The following ATP9A variants were observed in gnomAD, a reference collection of about 807,000 sequenced individuals.
ATP9A encodes ATPase phospholipid transporting 9A.
A neutral mutation model predicts 144.1 loss-of-function variants in ATP9A; 52 were observed. The observed-to-expected ratio is 0.36, with a 90% CI of 0.29 to 0.45. The LOEUF (loss-of-function observed/expected upper bound fraction) is 0.45, where lower values mean the gene tolerates loss of function less well. ATP9A is among the 20% of genes least tolerant of loss of function. ATP9A has a pLI of 1.00. For missense variants in ATP9A, 947 were observed against 1,392.7 expected, an observed-to-expected ratio of 0.68 and a Z score of 5.09; for synonymous variants, 582 against 557.4, an observed-to-expected ratio of 1.04 and a Z score of -0.62.
intron 14 of ATP9A, among the ~76,000 whole-genome samples, chr20:51,648,704 C>A (rs965120711): frequency 6.6e-6 from 1 of 151,956 alleles, no homozygotes; most frequent in East Asian, 1.9e-4. Flanking sequence ...TGGTGGTGTG[C>A]GCCTCTCATC....
chr20:51,622,041 C>G (rs1345788838), intron 19 of ATP9A, 33 bp downstream of exon 19: 1 of 1,587,468 alleles, frequency 6.3e-7, no homozygotes, highest in Non-Finnish European at 8.6e-7. Flanking sequence ...CGAACATCAT[C>G]CCCACATGGC....
chr20:51,667,484 G>C (rs1330486087), intron 13 of ATP9A, among the ~76,000 whole-genome samples: 1 of 152,180 alleles, frequency 6.6e-6, no homozygotes, highest in Non-Finnish European at 1.5e-5. Flanking sequence ...GTGGGCATTT[G>C]GGGTTGGTGG....
chr20:51,746,279 T>C (rs542255665), intron 1 of ATP9A, among the ~76,000 whole-genome samples: 2 of 152,252 alleles, frequency 1.3e-5, no homozygotes, highest in Admixed American at 6.5e-5. Context: ...AGTTTACTGA[T>C]GTAACCTCAG....
chr20:51,693,094 C>T (rs2077555290), intron 7 of ATP9A, among the ~76,000 whole-genome samples: 2 of 152,164 alleles, frequency 1.3e-5, no homozygotes, highest in South Asian at 2.1e-4. Flanking sequence ...CCAACTACTG[C>T]GGCCATCCTC....
chr20:51,673,145 G>A lies in ATP9A; in HGVS notation c.1037+1008C>T, dbSNP rs372116323. 5.3e-5 allele frequency among the ~76,000 whole-genome samples: 8 copies of A among 152,184 alleles called. No individual in the cohort carries two copies. In the East Asian group the frequency reaches 9.6e-4, roughly 18 times the overall value. On this transcript the variant is annotated intron_variant, in intron 11 of 27. Coordinates refer to ENST00000338821, the MANE Select transcript of ATP9A (RefSeq NM_006045.3). Reference sequence around the variant, plus strand: ...CCCCAGCACTTTGGGAAGCTGAGGCGGGTGGATCACTTGAGGTCAGGAGTT... The same window carrying A: ...CCCCAGCACTTTGGGAAGCTGAGGCAGGTGGATCACTTGAGGTCAGGAGTT...
At chr20:51,747,159 C>T (rs1253868941) in intron 1 of ATP9A, among the ~76,000 whole-genome samples, 1 of 145,306 alleles carries the variant, frequency 6.9e-6, no homozygotes, top group Non-Finnish European at 1.5e-5. Flanking sequence ...AGGAAGGATG[C>T]AAAGAAAGAA....
At chr20:51,670,793 T>C (rs927502071) in intron 12 of ATP9A, among the ~76,000 whole-genome samples, 1 of 152,172 alleles carries the variant, frequency 6.6e-6, no homozygotes, top group Non-Finnish European at 1.5e-5. Context: ...CTTCGGCTAC[T>C]ATGCGCCCGT....
intron 14 of ATP9A, among the ~76,000 whole-genome samples, chr20:51,642,283 T>A (rs1264727117): frequency 1.3e-5 from 2 of 152,072 alleles, no homozygotes; most frequent in African/African-American, 4.8e-5. Flanking sequence ...GCCTCCCAAG[T>A]AGCTGGGATT....
intron 17 of ATP9A, among the ~76,000 whole-genome samples, chr20:51,626,306 T>C (rs112770635): frequency 1.0e-3 from 159 of 152,028 alleles, no homozygotes; most frequent in African/African-American, 3.6e-3. Flanking sequence ...CTGGCCAACA[T>C]GGCAAAACCG....
At chr20:51,604,793 G>T in intron 27 of ATP9A, 24 bp downstream of exon 27, 3 of 1,467,500 alleles carry the variant, frequency 2.0e-6, no homozygotes, top group Non-Finnish European at 2.7e-6. Flanking sequence ...TGACGGACGG[G>T]GTTTAAGCAT....
intron 2 of ATP9A, among the ~76,000 whole-genome samples, chr20:51,728,574 G>A (rs2077725974): frequency 6.7e-6 from 1 of 148,192 alleles, no homozygotes; most frequent in Non-Finnish European, 1.5e-5. Context: ...GTTGCAGTGA[G>A]CCAAGATGGC....
chr20:51,732,926 C>T (rs1377768701), intron 1 of ATP9A, among the ~76,000 whole-genome samples: 1 of 151,618 alleles, frequency 6.6e-6, no homozygotes, highest in Non-Finnish European at 1.5e-5. Flanking sequence ...TGAAGACTGA[C>T]TCCTCTAAGA....
intron 9 of ATP9A, among the ~76,000 whole-genome samples, chr20:51,681,778 C>T (rs1273672313): frequency 6.6e-6 from 1 of 152,210 alleles, no homozygotes; most frequent in East Asian, 1.9e-4. Context: ...ATGCATCTGT[C>T]TCCTAAGGCA....
Position 51,672,819 on chromosome 20 carries a change from C to T in ATP9A, c.1037+1334G>A, listed in dbSNP as rs74459062. Among the ~76,000 whole-genome samples, 973 of 152,184 alleles carry T rather than the reference C, an allele frequency of 6.4e-3. 8 individuals carry two copies. The highest frequency in any genetic ancestry group is 0.022 in the African/African-American group (904 of 41,520). On this transcript the variant is annotated intron_variant, in intron 11 of 27. Transcript: ENST00000338821. ...TAGACTGCTAACCCACATCACAGAG[C>T]AGCTCTAAAAAATGATGGGACACAC... is the stretch of plus-strand genomic sequence containing the variant.
intron 1 of ATP9A, among the ~76,000 whole-genome samples, chr20:51,740,426 C>T (rs2122887882): frequency 6.9e-6 from 1 of 145,568 alleles, no homozygotes; most frequent in Admixed American, 7.0e-5. Context: ...TCCTGTCTGG[C>T]AGGCCAGGCG....
At chr20:51,602,053 C>T (rs952182057) in intron 27 of ATP9A, among the ~76,000 whole-genome samples, 3 of 152,186 alleles carry the variant, frequency 2.0e-5, no homozygotes, top group Non-Finnish European at 4.4e-5. Context: ...GCACCCTCTG[C>T]TTCCAGTGAT....
Position 51,598,346 on chromosome 20 carries a change from G to A in ATP9A, c.*2865C>T, listed in dbSNP as rs1449725246. 6.6e-6 allele frequency: 1 copy of A among 152,234 alleles called. No individual in the cohort carries two copies. Among genetic ancestry groups the A allele is most frequent in the East Asian group, 1.9e-4 (1 of 5,174 alleles). 9.4% of individuals were successfully genotyped at this position (152,234 alleles called of 1,614,324 possible). On this transcript the variant is annotated 3_prime_UTR_variant, in exon 28 of 28. Coordinates refer to ENST00000338821, the MANE Select transcript of ATP9A (RefSeq NM_006045.3). Reference sequence around the variant, plus strand: ...AGCTAGTGTTGTCAGAGGGCGCAGGGAGCTGTGAGTTTTGCTTTCAGGAAA... The same window carrying A: ...AGCTAGTGTTGTCAGAGGGCGCAGGAAGCTGTGAGTTTTGCTTTCAGGAAA...
intron 9 of ATP9A, among the ~76,000 whole-genome samples, chr20:51,680,797 G>A (rs1212505791): frequency 6.6e-6 from 1 of 152,118 alleles, no homozygotes; most frequent in Non-Finnish European, 1.5e-5. Context: ...AGGGCAATTA[G>A]ATGTCTACTC....
chr20:51,760,975 C>T (rs1481241943), intron 1 of ATP9A, among the ~76,000 whole-genome samples: 1 of 152,098 alleles, frequency 6.6e-6, no homozygotes, highest in East Asian at 1.9e-4. Context: ...TTGCAGTGAG[C>T]CGAGACTGCG....
Sources: allele counts gnomAD v4.1 joint callset (sites outside exome capture counted in the v4.1 genomes callset), GRCh38; gene constraint gnomAD v4.1.1; transcripts MANE v1.5; gene names NCBI Gene and HGNC (gene_info 2026-07-23, HGNC 2026-07-21).